Variants in ELP4 observed in about 807,000 individuals in gnomAD.
ELP4 encodes the protein elongator acetyltransferase complex subunit 4.
In ELP4, 51 loss-of-function variants were observed where a neutral mutation model predicts 48.9. The observed-to-expected ratio is 1.04, with a 90% CI of 0.83 to 1.32. ELP4 has a LOEUF of 1.32. Ranked by LOEUF, ELP4 falls within the 40% of genes most tolerant of loss-of-function variation. The pLI is 0.00. For synonymous variants in ELP4, 210 were observed against 189.2 expected (o/e 1.11, Z -0.90); for missense variants, 519 against 514.6 (o/e 1.01, Z -0.08).
At chr11:31,592,904 A>G (rs980504941) in intron 3 of ELP4, among the ~76,000 whole-genome samples, 11 of 152,176 alleles carry the variant, frequency 7.2e-5, no homozygotes, top group Non-Finnish European at 1.6e-4. Context: ...AGCATTTCTT[A>G]GAATTGGCCT....
At chr11:31,739,080 T>C (rs1947388652) in intron 9 of ELP4, among the ~76,000 whole-genome samples, 1 of 67,082 alleles carries the variant, frequency 1.5e-5, no homozygotes, top group African/African-American at 5.8e-5. Context: ...ATGTGTTTTT[T>C]ACCCCAATTT....
intron 5 of ELP4, among the ~76,000 whole-genome samples, chr11:31,622,119 A>G (rs1262995066): frequency 6.6e-6 from 1 of 151,848 alleles, no homozygotes; most frequent in African/African-American, 2.4e-5. Flanking sequence ...CAGTTGATAT[A>G]ATTAAAATCA....
chr11:31,767,979 A>G (rs1045520477), intron 9 of ELP4: 1 of 152,208 alleles, frequency 6.6e-6, no homozygotes, highest in African/African-American at 2.4e-5. Flanking sequence ...AGATGTATCA[A>G]GCAACTCTGT....
intron 9 of ELP4, among the ~76,000 whole-genome samples, chr11:31,688,329 A>G (rs1484127827): frequency 1.3e-5 from 2 of 152,152 alleles, no homozygotes; most frequent in Admixed American, 1.3e-4. Context: ...CCCCTGGGAG[A>G]TACATGCCTG....
At chr11:31,776,585 CAAGT>C (rs771980904) in intron 9 of ELP4, among the ~76,000 whole-genome samples, 9 of 152,176 alleles carry the variant, frequency 5.9e-5, no homozygotes, top group Admixed American at 2.0e-4. Context: ...TTTGTTTAGA[CAAGT>C]GAGTTCTTCT....
chr11:31,777,848 A>G (rs1298573487), intron 9 of ELP4, among the ~76,000 whole-genome samples: 2 of 152,174 alleles, frequency 1.3e-5, no homozygotes, highest in Admixed American at 6.5e-5. Context: ...TTTATAAGCC[A>G]TTTTTGGAAG....
At chr11:31,655,618 C>G (rs1945417319) in intron 9 of ELP4, among the ~76,000 whole-genome samples, 1 of 151,946 alleles carries the variant, frequency 6.6e-6, no homozygotes, top group African/African-American at 2.4e-5. Flanking sequence ...TTGTTAATCT[C>G]TCTGCTAAAA....
intron 4 of ELP4, among the ~76,000 whole-genome samples, chr11:31,595,182 C>G (rs1957650606): frequency 1.3e-5 from 2 of 152,108 alleles, no homozygotes; most frequent in South Asian, 4.1e-4. Context: ...CCATTTCTAT[C>G]CAGTATGTTT....
Position 31,509,917 on chromosome 11 carries a change from C to G in ELP4, c.133C>G (p.Arg45Gly). ...CAGCGTGACCAACGACAGCGGCCCT[C>G]GACTGGTGTCCATTGCGGGCACGCG... is the stretch of plus-strand genomic sequence containing the variant. ...RASVTNDSGP[R>G]LVSIAGTRPS... is the part of the protein sequence containing the mutation. The change falls in exon 1 of 10, where the codon CGA (arginine) becomes GGA (glycine). Residue 45 changes from arginine to glycine, a missense_variant. Arg to Gly is a moderately radical substitution (Grantham distance 125). Coordinates refer to ENST00000640961, the MANE Select transcript of ELP4 (RefSeq NM_019040.5). 2 of 1,613,964 alleles carry G rather than the reference C, an allele frequency of 1.2e-6. No homozygotes were observed. The highest frequency in any genetic ancestry group is 1.7e-6 in the Non-Finnish European group (2 of 1,180,024).
At chr11:31,690,947 C>T (rs1270331184) in intron 9 of ELP4, among the ~76,000 whole-genome samples, 3 of 151,944 alleles carry the variant, frequency 2.0e-5, no homozygotes, top group Non-Finnish European at 4.4e-5. Context: ...AAATTTCCTA[C>T]ATTAAGACTT....
intron 3 of ELP4, among the ~76,000 whole-genome samples, chr11:31,552,372 A>C (rs1018843382): frequency 1.3e-5 from 2 of 152,086 alleles, no homozygotes; most frequent in Admixed American, 1.3e-4. Context: ...CAGAGCTGCT[A>C]TTGCCTTCTG....
chr11:31,749,258 G>A (rs543962167), intron 9 of ELP4, among the ~76,000 whole-genome samples: 1 of 152,286 alleles, frequency 6.6e-6, no homozygotes, highest in Non-Finnish European at 1.5e-5. Flanking sequence ...GAAAAGTCAG[G>A]GATGCAGTTA....
At chr11:31,662,259 C>T (rs1033125016) in intron 9 of ELP4, among the ~76,000 whole-genome samples, 1 of 152,072 alleles carries the variant, frequency 6.6e-6, no homozygotes, top group Non-Finnish European at 1.5e-5. Context: ...CTTAATAGTA[C>T]TATAAACATG....
chr11:31,751,340 T>C (rs1440810457), intron 9 of ELP4, among the ~76,000 whole-genome samples: 1 of 152,202 alleles, frequency 6.6e-6, no homozygotes, highest in Non-Finnish European at 1.5e-5. Context: ...TTTCAAACGA[T>C]ACATACAATC....
chr11:31,603,968 T>C, intron 5 of ELP4, 61 bp downstream of exon 5: 1 of 1,442,814 alleles, frequency 6.9e-7, no homozygotes, highest in Non-Finnish European at 9.5e-7. Flanking sequence ...AATGCACTTT[T>C]ACCACATTTT....
chr11:31,533,368 C>CTTTTTTCTTTTTTTTTTTTTTTTT (rs1956433990), intron 2 of ELP4, among the ~76,000 whole-genome samples: 1 of 50,460 alleles, frequency 2.0e-5, no homozygotes, highest in African/African-American at 8.4e-5. Context: ...CCATCTCATT[C>CTTTTTTCTTTTTTTTTTTTTTTTT]TTTTTTTTTT....
At chr11:31,539,024 G>T (rs574859330) in intron 2 of ELP4, among the ~76,000 whole-genome samples, 1 of 152,100 alleles carries the variant, frequency 6.6e-6, no homozygotes, top group African/African-American at 2.4e-5. Context: ...TTAAGTATTG[G>T]TATTATTTTT....
chr11:31,635,710 A>G (rs1389035343), intron 7 of ELP4, among the ~76,000 whole-genome samples: 1 of 152,032 alleles, frequency 6.6e-6, no homozygotes, highest in Non-Finnish European at 1.5e-5. Flanking sequence ...CAGTGCTGGC[A>G]CATAGTAGGC....
intron 4 of ELP4, among the ~76,000 whole-genome samples, chr11:31,596,884 A>G (rs1957678999): frequency 6.6e-6 from 1 of 152,148 alleles, no homozygotes; most frequent in Admixed American, 6.5e-5. Context: ...GTGACTCTTA[A>G]ACATACAAAA....
Sources: allele counts gnomAD v4.1 joint callset (sites outside exome capture counted in the v4.1 genomes callset), GRCh38; gene constraint gnomAD v4.1.1; transcripts MANE v1.5; gene names NCBI Gene and HGNC (gene_info 2026-07-23, HGNC 2026-07-21).